Variants in ARHGAP11A observed in about 807,000 individuals in gnomAD.
The protein encoded by ARHGAP11A is rho GTPase-activating protein 11A.
In ARHGAP11A, 36 loss-of-function variants were observed where a neutral mutation model predicts 60.5. The observed-to-expected ratio is 0.59, with a 90% CI of 0.46 to 0.79. ARHGAP11A has a LOEUF of 0.79. ARHGAP11A is among the 30% of genes least tolerant of loss of function. The pLI, the probability that ARHGAP11A is intolerant of heterozygous loss-of-function variation, is 0.00. For missense variants in ARHGAP11A, 1,071 were observed against 1,199.2 expected, an observed-to-expected ratio of 0.89 and a Z score of 1.58; for synonymous variants, 362 against 415.5, an observed-to-expected ratio of 0.87 and a Z score of 1.57.
At position 32,637,866 on chromosome 15, in the gene ARHGAP11A, C is replaced by T. The variant is rs2053762251; in HGVS notation, c.*21C>T. The T allele has an allele frequency of 6.5e-7, 1 of 1,534,684 alleles. No homozygotes were observed. Among genetic ancestry groups the T allele is most frequent in the Admixed American group, 2.1e-5 (1 of 48,260 alleles). On this transcript the variant is annotated 3_prime_UTR_variant, in exon 12 of 12. Coordinates refer to ENST00000361627, the MANE Select transcript of ARHGAP11A (RefSeq NM_014783.6). The stretch of plus-strand genomic sequence containing the variant: ...TGTAATTGGTAAATGTTATACTTGT[C>T]ATTAATGTAAATAAAGTGAGTAATT...
chr15:32,637,152 AAC>A lies in ARHGAP11A; in HGVS notation c.2381_2382del (p.Thr794SerfsTer3), dbSNP rs773910853. On this transcript the variant is annotated frameshift_variant, in exon 12 of 12. Transcript: ENST00000361627. LOFTEE classifies it low-confidence loss of function (END_TRUNC). ...KQQSLETCEK[T>X]VSESSQMTEH... Reference sequence around the variant, plus strand: ...AGCAGTCATTGGAAACATGTGAGAAAACAGTTTCTGAAAGTTCACAAATGACA... The same window carrying A: ...AGCAGTCATTGGAAACATGTGAGAAAAGTTTCTGAAAGTTCACAAATGACA... 2 of 1,614,192 alleles carry A rather than the reference AAC, an allele frequency of 1.2e-6. No homozygotes were observed. Among genetic ancestry groups the A allele is most frequent in the Non-Finnish European group, 1.7e-6 (2 of 1,180,044 alleles).
rs1304240907 is a variant in ARHGAP11A at position 32,639,074 on chromosome 15, G to A, written c.*1229G>A. The A allele has an allele frequency of 1.3e-5, 2 of 152,610 alleles. No homozygotes were observed. The highest frequency in any genetic ancestry group is 1.3e-4 in the Admixed American group (2 of 15,280). 9.5% of individuals were successfully genotyped at this position (152,610 alleles called of 1,614,324 possible). A position where few individuals can be genotyped will look rare whatever the true frequency, so the allele number is the denominator to read the frequency against. On this transcript the variant is annotated 3_prime_UTR_variant, in exon 12 of 12. Transcript: ENST00000361627. ...GACTAAGGCTCTCATGAAATTCAAA[G>A]TGCCATTTAGAACATGCACCAAATT...
chr15:32,622,879 T>TTG (rs2140450457), intron 2 of ARHGAP11A, among the ~76,000 whole-genome samples: 1 of 152,304 alleles, frequency 6.6e-6, no homozygotes, highest in East Asian at 1.9e-4. Flanking sequence ...TAAAAGAAGG[T>TTG]GGCCTTGGAC....
At chr15:32,622,155 A>G (rs1438358692) in intron 2 of ARHGAP11A, among the ~76,000 whole-genome samples, 1 of 152,312 alleles carries the variant, frequency 6.6e-6, no homozygotes, top group Non-Finnish European at 1.5e-5. Flanking sequence ...ACAGGAGCTC[A>G]TGCCTGTTAT....
chr15:32,616,432 T>G (rs2053149243), intron 1 of ARHGAP11A, 92 bp downstream of exon 1: 3 of 1,567,628 alleles, frequency 1.9e-6, no homozygotes, highest in Non-Finnish European at 2.6e-6. Flanking sequence ...GTTCACTCTG[T>G]GTATCAAAAA....
chr15:32,620,853 C>T (rs1408226506), intron 2 of ARHGAP11A, among the ~76,000 whole-genome samples: 1 of 151,948 alleles, frequency 6.6e-6, no homozygotes, highest in Non-Finnish European at 1.5e-5. Flanking sequence ...ATCGCTTGAG[C>T]CCAGGATTTT....
In ARHGAP11A at chr15:32,628,723, T is replaced by G; in HGVS notation, c.863-5T>G. 1 of 1,564,834 alleles carries G rather than the reference T, an allele frequency of 6.4e-7. No homozygotes were observed. The highest frequency in any genetic ancestry group is 8.6e-7 in the Non-Finnish European group (1 of 1,165,582). On this transcript the variant is annotated splice_region_variant and splice_polypyrimidine_tract_variant and intron_variant, in intron 6 of 11. Coordinates refer to ENST00000361627, the MANE Select transcript of ARHGAP11A (RefSeq NM_014783.6). ...AGTTGTAATTGCTTATGCCTTGCAT[T>G]TCAGATTTTGTTAGTGGAGCACTAA...
chr15:32,629,211 C>T (rs1266139927), intron 7 of ARHGAP11A, among the ~76,000 whole-genome samples: 1 of 143,966 alleles, frequency 6.9e-6, no homozygotes, highest in Non-Finnish European at 1.5e-5. Context: ...CTTCTGTTTT[C>T]TAGAGTGAAG....
intron 8 of ARHGAP11A, 92 bp downstream of exon 8, chr15:32,629,854 T>C: frequency 1.2e-6 from 1 of 821,134 alleles, no homozygotes; most frequent in Non-Finnish European, 1.9e-6. Context: ...AATACCACCC[T>C]TAGGAACTAG....
Position 32,629,645 on chromosome 15 carries a change from T to C in ARHGAP11A, c.988T>C (p.Leu330=), listed in dbSNP as rs1198627113. The C allele has an allele frequency of 6.2e-7, 1 of 1,613,592 alleles. No homozygotes were observed. Among genetic ancestry groups the C allele is most frequent in the South Asian group, 1.1e-5 (1 of 90,914 alleles). Residue 330 remains leucine, a synonymous_variant, in exon 8 of 12, where the codon TTG becomes CTG. Coordinates refer to ENST00000361627, the MANE Select transcript of ARHGAP11A (RefSeq NM_014783.6). ...VILTPNAKRT[L]PVDSSHGFSS... ...TCTTACACCAAATGCTAAGCGTACATTGCCAGTAGATTCTTCTCATGGTTT... is the reference window on the plus strand; with the variant it reads ...TCTTACACCAAATGCTAAGCGTACACTGCCAGTAGATTCTTCTCATGGTTT...
At chr15:32,633,775 T>C (rs2053639730) in intron 9 of ARHGAP11A, among the ~76,000 whole-genome samples, 158 bp from the exon 10 acceptor site, 1 of 152,258 alleles carries the variant, frequency 6.6e-6, no homozygotes, top group Non-Finnish European at 1.5e-5. Context: ...AGTGTGTTCA[T>C]GTATGGTATC....
intron 10 of ARHGAP11A, 95 bp downstream of exon 10, chr15:32,634,136 CTG>C (rs1287040885): frequency 1.3e-6 from 1 of 765,218 alleles, no homozygotes; most frequent in African/African-American, 1.8e-5. Flanking sequence ...CTTCCAGTGA[CTG>C]TCTCATTCTG....
Position 32,636,293 on chromosome 15 carries a change from T to G in ARHGAP11A, c.1520T>G (p.Leu507Arg). 1 of 1,610,680 alleles carries G rather than the reference T, an allele frequency of 6.2e-7. No homozygotes were observed. The highest frequency in any genetic ancestry group is 8.5e-7 in the Non-Finnish European group (1 of 1,178,946). ...ATCAGTAAGTCTGAGGAAACCTTAC[T>G]AACTCCAGAGCGACTAGTTGGAACA... is the stretch of plus-strand genomic sequence containing the variant. The part of the protein sequence containing the change: ...EKISKSEETL[L>R]TPERLVGTNY... Residue 507 changes from leucine to arginine, a missense_variant, in exon 12 of 12, where the codon CTA becomes CGA. Leu to Arg is a moderately radical substitution (Grantham distance 102). Transcript: ENST00000361627.
chr15:32,624,314 T>G lies in ARHGAP11A; in HGVS notation c.439T>G (p.Leu147Val). The G allele has an allele frequency of 1.2e-6, 2 of 1,613,880 alleles. No homozygotes were observed. The highest frequency in any genetic ancestry group is 1.7e-6 in the Non-Finnish European group (2 of 1,179,862). ...LHEALLKAQQ[L>V]GTEEKNKATL... is the part of the protein sequence containing the mutation. ...TGAAGCACTTTTGAAAGCTCAACAGTTAGGCACAGAGGAAAAGAATAAAGC... is the reference window on the plus strand; with the variant it reads ...TGAAGCACTTTTGAAAGCTCAACAGGTAGGCACAGAGGAAAAGAATAAAGC... The change falls in exon 4 of 12, where the codon TTA (leucine) becomes GTA (valine). Residue 147 changes from leucine to valine, a missense_variant. Physicochemically the swap from Leu to Val is conservative, Grantham distance 32 (BLOSUM62 1). Transcript: ENST00000361627.
intron 2 of ARHGAP11A, among the ~76,000 whole-genome samples, chr15:32,622,569 G>A (rs1170802041): frequency 1.3e-5 from 2 of 151,946 alleles, no homozygotes; most frequent in African/African-American, 4.8e-5. Flanking sequence ...CTGTAAATAA[G>A]GCTGACATTC....
chr15:32,624,982 A>G, intron 4 of ARHGAP11A, 98 bp from the exon 5 acceptor site: 4 of 1,356,350 alleles, frequency 2.9e-6, no homozygotes, highest in Non-Finnish European at 4.1e-6. Flanking sequence ...CTTGTGTATG[A>G]CTGATAATAA....
intron 6 of ARHGAP11A, among the ~76,000 whole-genome samples, chr15:32,626,517 T>A (rs2140457742): frequency 6.6e-6 from 1 of 152,248 alleles, no homozygotes; most frequent in Non-Finnish European, 1.5e-5. Flanking sequence ...TTTTTCATCT[T>A]TTGGTTTATT....
chr15:32,634,817 A>C (rs1383123836), intron 10 of ARHGAP11A, among the ~76,000 whole-genome samples: 5 of 152,194 alleles, frequency 3.3e-5, no homozygotes, highest in Non-Finnish European at 7.3e-5. Context: ...CACCATGTCT[A>C]ATCCATTAGA....
chr15:32,616,804 G>A (rs1567046813), intron 1 of ARHGAP11A, among the ~76,000 whole-genome samples: 1 of 152,340 alleles, frequency 6.6e-6, no homozygotes. Context: ...GAGTAAGGTT[G>A]TAGAGGGACA....
Sources: gnomAD v4.1 joint callset for allele counts (sites outside exome capture counted in the v4.1 genomes callset) on GRCh38, gnomAD v4.1.1 for gene constraint, MANE v1.5 for transcripts, NCBI Gene and HGNC (gene_info 2026-07-23, HGNC 2026-07-21) for gene names.